Variants in NSD1 observed in about 807,000 individuals in gnomAD.
NSD1 encodes the protein histone-lysine N-methyltransferase, H3 lysine-36 specific.
A neutral mutation model predicts 242.7 loss-of-function variants in NSD1; 26 were observed. That is an observed-to-expected ratio of 0.11 (90% confidence interval 0.08 to 0.15). The LOEUF is 0.15. NSD1 is among the 10% of genes least tolerant of loss of function. The pLI is 1.00. For synonymous variants in NSD1, 1,106 were observed against 1,178.1 expected, an observed-to-expected ratio of 0.94 and a Z score of 1.25; for missense variants, 2,495 against 3,272.8, an observed-to-expected ratio of 0.76 and a Z score of 5.80.
At chr5:177,178,056 G>T (rs560732051) in intron 2 of NSD1, among the ~76,000 whole-genome samples, 4 of 151,942 alleles carry the variant, frequency 2.6e-5, no homozygotes, top group Non-Finnish European at 5.9e-5. Flanking sequence ...TGCCACGCCT[G>T]GCTAATTTTT....
intron 2 of NSD1, among the ~76,000 whole-genome samples, chr5:177,147,397 A>G (rs1757341571): frequency 6.6e-6 from 1 of 151,972 alleles, no homozygotes; most frequent in African/African-American, 2.4e-5. Context: ...AGGAGCCACC[A>G]TGCCTGGCCT....
chr5:177,210,652 C>G lies in NSD1; in HGVS notation c.2253C>G (p.Leu751=). The G allele has an allele frequency of 2.5e-6, 4 of 1,614,158 alleles. No individual in the cohort carries two copies. The highest frequency in any genetic ancestry group is 3.4e-6 in the Non-Finnish European group (4 of 1,180,020). The change falls in exon 5 of 23, where the codon CTC becomes CTG. Residue 751 remains leucine, a synonymous_variant. Transcript: ENST00000439151. ...KPQSDFTNDA[L]SPKFNLSSSI... The stretch of plus-strand genomic sequence containing the variant: ...AGTCAGATTTTACAAATGATGCTCT[C>G]TCTCCAAAATTCAACCTGTCATCAA...
rs986150866 is a variant in NSD1 at position 177,269,533 on chromosome 5, T to C, written c.5304-69T>C. The stretch of plus-strand genomic sequence containing the variant: ...GACATTGCTAATCCTTACTTTTATA[T>C]GAGTAGGTTATTTTCCTAATGCCTT... On this transcript the variant is annotated intron_variant, in intron 15 of 22. Coordinates refer to ENST00000439151, the MANE Select transcript of NSD1 (RefSeq NM_022455.5). The surrounding 1 kb of genome is among the most constrained non-coding windows in gnomAD (Gnocchi z 5.1). 7.4e-7 allele frequency: 1 copy of C among 1,353,254 alleles called. No homozygotes were observed. Among genetic ancestry groups the C allele is most frequent in the South Asian group, 1.2e-5 (1 of 84,420 alleles). 83.8% of individuals were successfully genotyped at this position (1,353,254 alleles called of 1,614,324 possible).
intron 2 of NSD1, among the ~76,000 whole-genome samples, chr5:177,136,639 G>A (rs1474722256): frequency 6.7e-6 from 1 of 148,654 alleles, no homozygotes; most frequent in African/African-American, 2.5e-5. Flanking sequence ...GTCTCACTCT[G>A]TTGCCAGGCT....
At chr5:177,165,312 G>A (rs1759095125) in intron 2 of NSD1, among the ~76,000 whole-genome samples, 2 of 151,902 alleles carry the variant, frequency 1.3e-5, no homozygotes, top group Non-Finnish European at 2.9e-5. Flanking sequence ...GGGATTACAG[G>A]TGCTTGCCAC....
chr5:177,232,475 TGTCA>T (rs543549668), intron 5 of NSD1, among the ~76,000 whole-genome samples: 3 of 152,214 alleles, frequency 2.0e-5, no homozygotes, highest in Non-Finnish European at 2.9e-5. Context: ...TCATGCAATG[TGTCA>T]GTCAGAACAC....
At chr5:177,137,216 C>G (rs1756411543) in intron 2 of NSD1, 1 of 296,954 alleles carries the variant, frequency 3.4e-6, no homozygotes, top group African/African-American at 2.2e-5. Flanking sequence ...AAGATTCCTT[C>G]AGCTTTAAAT....
intron 3 of NSD1, among the ~76,000 whole-genome samples, chr5:177,197,844 G>A (rs958479163): frequency 3.9e-5 from 6 of 152,252 alleles, no homozygotes; most frequent in African/African-American, 1.4e-4. Flanking sequence ...ATAAGAAGGT[G>A]GAGATCACGA....
chr5:177,141,903 G>A (rs1340259739), intron 2 of NSD1, among the ~76,000 whole-genome samples: 2 of 151,786 alleles, frequency 1.3e-5, no homozygotes, highest in East Asian at 3.9e-4. Flanking sequence ...GTGCCATCTC[G>A]GCTCACTGCA....
At chr5:177,167,931 C>G (rs564011686) in intron 2 of NSD1, among the ~76,000 whole-genome samples, 2 of 152,026 alleles carry the variant, frequency 1.3e-5, no homozygotes, top group African/African-American at 4.8e-5. Flanking sequence ...TACTTTTTGG[C>G]GGAGGTGTCC....
chr5:177,157,353 C>T (rs973227590), intron 2 of NSD1, among the ~76,000 whole-genome samples: 1 of 151,554 alleles, frequency 6.6e-6, no homozygotes, highest in African/African-American at 2.4e-5. Flanking sequence ...GCAACAAGAG[C>T]GAAACTTCGT....
At position 177,134,765 on chromosome 5, in the gene NSD1, G is replaced by A. The variant is rs922920990; in HGVS notation, c.-17-322G>A. ...TCGACCCCTGGCGAGGGAGGGGGAG[G>A]ACTAGTCCTGTTTGAGAATTGGGAA... On this transcript the variant is annotated intron_variant, in intron 1 of 22. Coordinates refer to ENST00000439151, the MANE Select transcript of NSD1 (RefSeq NM_022455.5). The surrounding 1 kb of genome is among the most constrained non-coding windows in gnomAD (Gnocchi z 4.2). Among the ~76,000 whole-genome samples, 2 of 152,194 alleles carry A rather than the reference G, an allele frequency of 1.3e-5. No individual in the cohort carries two copies. Among genetic ancestry groups the A allele is most frequent in the African/African-American group, 4.8e-5 (2 of 41,448 alleles).
intron 7 of NSD1, 34 bp from the exon 8 acceptor site, chr5:177,239,722 T>A (rs1447626512): frequency 1.6e-6 from 2 of 1,289,438 alleles, no homozygotes; most frequent in East Asian, 4.6e-5. Flanking sequence ...GCCCAGTTTC[T>A]AAATCATCTA....
rs182952132 is a variant in NSD1 at position 177,220,601 on chromosome 5, G to C, written c.3796+8406G>C. 5.2e-3 allele frequency among the ~76,000 whole-genome samples: 574 copies of C among 109,486 alleles called. 6 individuals carry two copies. Among genetic ancestry groups the C allele is most frequent in the African/African-American group, 0.02 (547 of 27,958 alleles). 71.8% of individuals were successfully genotyped at this position (109,486 alleles called of 152,430 possible). A position where few individuals can be genotyped will look rare whatever the true frequency, so the allele number is the denominator to read the frequency against. On this transcript the variant is annotated intron_variant, in intron 5 of 22. Transcript: ENST00000439151. ...TTTTTTTTTTTTGAAACAGAGGCTT[G>C]CTCTGTCGCCTAGGCTGGAGTGCAG...
At chr5:177,137,063 G>T (rs560464343) in intron 2 of NSD1, 1 of 449,658 alleles carries the variant, frequency 2.2e-6, no homozygotes, top group East Asian at 3.3e-5. Context: ...ATGCTGTCAA[G>T]TATTGTTAGA....
intron 17 of NSD1, among the ~76,000 whole-genome samples, chr5:177,277,116 C>A (rs1340837953): frequency 6.6e-6 from 1 of 150,914 alleles, no homozygotes; most frequent in Non-Finnish European, 1.5e-5. Flanking sequence ...TAGAGGCCAA[C>A]TTCTTTACTC....
At chr5:177,283,576 A>G (rs1581534843) in intron 19 of NSD1, among the ~76,000 whole-genome samples, 1 of 152,328 alleles carries the variant, frequency 6.6e-6, no homozygotes, top group East Asian at 1.9e-4. Flanking sequence ...TTGAAGCACA[A>G]CCCAGGAATT....
intron 11 of NSD1, 49 bp from the exon 12 acceptor site, chr5:177,251,681 T>G: frequency 6.2e-7 from 1 of 1,606,948 alleles, no homozygotes; most frequent in South Asian, 1.1e-5. Flanking sequence ...GTTTTACTCT[T>G]GATTCTCAAA....
chr5:177,300,058 C>CCA lies in NSD1; in HGVS notation c.*4600_*4601insAC. ...GGTCCATCATTGCTTTTTTGCCGCG[C>CCA]CCCCCCCCCCCCGCCCCCATAGATT... is the stretch of plus-strand genomic sequence containing the variant. On this transcript the variant is annotated 3_prime_UTR_variant, in exon 23 of 23. Coordinates refer to ENST00000439151, the MANE Select transcript of NSD1 (RefSeq NM_022455.5). 1.9e-4 allele frequency: 2 copies of CCA among 10,640 alleles called. No individual in the cohort carries two copies. Among genetic ancestry groups the CCA allele is most frequent in the Middle Eastern group, 0.028 (1 of 36 alleles). The allele number at this position is 10,640 out of a possible 1,614,324, so 0.7% of individuals were successfully genotyped here. A position where few individuals can be genotyped will look rare whatever the true frequency, so the allele number is the denominator to read the frequency against.
Sources: gnomAD v4.1 joint callset for allele counts (sites outside exome capture counted in the v4.1 genomes callset) on GRCh38, gnomAD v4.1.1 for gene constraint, Gnocchi (gnomAD v3.1) non-coding constraint, MANE v1.5 for transcripts, NCBI Gene and HGNC (gene_info 2026-07-23, HGNC 2026-07-21) for gene names.